Variants in PNPT1 observed in about 807,000 individuals in gnomAD.
PNPT1 encodes the protein polyribonucleotide nucleotidyltransferase 1, mitochondrial.
PNPT1 carries 53 observed loss-of-function variants against 119.5 expected under a neutral mutation model. That is an observed-to-expected ratio of 0.44 (90% CI 0.36 to 0.56). PNPT1 has a LOEUF of 0.56. PNPT1 is among the 20% of genes least tolerant of loss of function. The probability of loss-of-function intolerance (pLI) is 0.00; values close to 1 mark genes in which losing one functional copy is unlikely to be tolerated. For synonymous variants in PNPT1, 357 were observed against 322.1 expected, an observed-to-expected ratio of 1.11 and a Z score of -1.16; for missense variants, 948 against 938.5, an observed-to-expected ratio of 1.01 and a Z score of -0.13.
chr2:55,654,884 G>C lies in PNPT1; in HGVS notation c.1495+16C>G. On this transcript the variant is annotated intron_variant, in intron 18 of 27. Coordinates refer to ENST00000447944, the MANE Select transcript of PNPT1 (RefSeq NM_033109.5). Reference sequence around the variant, plus strand: ...GCATGAGCAATATCAGCAGTTTTGAGACATAATTCTTTTACCTGAATCCAT... The same window carrying C: ...GCATGAGCAATATCAGCAGTTTTGACACATAATTCTTTTACCTGAATCCAT... The C allele has an allele frequency of 6.2e-7, 1 of 1,610,904 alleles. No individual in the cohort carries two copies. Among genetic ancestry groups the C allele is most frequent in the South Asian group, 1.1e-5 (1 of 90,824 alleles).
chr2:55,660,224 T>A, intron 14 of PNPT1, 31 bp from the exon 15 acceptor site: 1 of 1,548,116 alleles, frequency 6.5e-7, no homozygotes, highest in South Asian at 1.3e-5. Flanking sequence ...ATTAAAAACA[T>A]CATAGGGAAA....
intron 9 of PNPT1, 105 bp from the exon 10 acceptor site, chr2:55,672,151 T>A (rs1696936534): frequency 2.5e-6 from 2 of 793,920 alleles, no homozygotes; most frequent in Admixed American, 5.4e-5. Flanking sequence ...GCTAAAACTT[T>A]AATAAATACT....
At position 55,643,148 on chromosome 2, in the gene PNPT1, T is replaced by C. The variant is rs767620776; in HGVS notation, c.2069+10A>G. ...GAAAATGCTCAGCATAGTATATTAC[T>C]TGATATTACCTGATTTCAGTTATTG... On this transcript the variant is annotated intron_variant, in intron 25 of 27. Coordinates refer to ENST00000447944, the MANE Select transcript of PNPT1 (RefSeq NM_033109.5). 5 of 1,613,748 alleles carry C rather than the reference T, an allele frequency of 3.1e-6. No individual in the cohort carries two copies. The South Asian group carries it at 5.5e-5, about 18-fold the overall frequency.
At chr2:55,652,115 G>A (rs1445296128) in intron 18 of PNPT1, among the ~76,000 whole-genome samples, 1 of 152,080 alleles carries the variant, frequency 6.6e-6, no homozygotes, top group East Asian at 1.9e-4. Flanking sequence ...ATTATGCTCA[G>A]CCTAGTTCAA....
chr2:55,639,225 T>C (rs142037539), intron 26 of PNPT1, among the ~76,000 whole-genome samples: 48 of 152,342 alleles, frequency 3.2e-4, no homozygotes, highest in African/African-American at 1.1e-3. Context: ...GAAAGATATA[T>C]GAGGGTTTAG....
chr2:55,634,843 A>T lies in PNPT1; in HGVS notation c.*1394T>A, dbSNP rs1695617594. 1 of 152,156 alleles carries T rather than the reference A, an allele frequency of 6.6e-6. No homozygotes were observed. Among genetic ancestry groups the T allele is most frequent in the African/African-American group, 2.4e-5 (1 of 41,404 alleles). The allele number at this position is 152,156 out of a possible 1,614,324, so 9.4% of individuals were successfully genotyped here. A position where few individuals can be genotyped will look rare whatever the true frequency, so the allele number is the denominator to read the frequency against. On this transcript the variant is annotated 3_prime_UTR_variant, in exon 28 of 28. Transcript: ENST00000447944. ...AGTGTTGGGATTACAGGTGTGAGCC[A>T]CCATGCCTGGCCAGATATACCTACA...
At chr2:55,663,076 G>C (rs767568617) in intron 13 of PNPT1, among the ~76,000 whole-genome samples, 1 of 151,872 alleles carries the variant, frequency 6.6e-6, no homozygotes, top group Non-Finnish European at 1.5e-5. Flanking sequence ...AGTAGAGATG[G>C]GGTTTCACTG....
chr2:55,636,531 A>T (rs1695680191), intron 27 of PNPT1, 139 bp from the exon 28 acceptor site: 1 of 861,284 alleles, frequency 1.2e-6, no homozygotes, highest in African/African-American at 1.7e-5. Context: ...TTCAGTGCTA[A>T]GTGGACGTAT....
chr2:55,693,791 G>A lies in PNPT1; in HGVS notation c.33C>T (p.Leu11=). The change falls in exon 1 of 28, where the codon CTC becomes CTT. Residue 11 remains leucine (L), a synonymous_variant. Coordinates refer to ENST00000447944, the MANE Select transcript of PNPT1 (RefSeq NM_033109.5). ...GACCATCGCTCAGGGGCCGGAGCCG[G>A]AGGCACGAGCAGCAGTACCTGCAGG... MAACRYCCSC[L]RLRPLSDGPF... 6.2e-7 allele frequency: 1 copy of A among 1,613,998 alleles called. No individual in the cohort carries two copies. Among genetic ancestry groups the A allele is most frequent in the Non-Finnish European group, 8.5e-7 (1 of 1,180,042 alleles).
At chr2:55,668,001 TA>T (rs774543415) in intron 11 of PNPT1, 43 bp from the exon 12 acceptor site, 19 of 1,496,468 alleles carry the variant, frequency 1.3e-5, no homozygotes, top group Non-Finnish European at 1.6e-5. Flanking sequence ...TTTACTTTTT[TA>T]GGAGATAGGA....
At chr2:55,655,787 G>A (rs1192988894) in intron 17 of PNPT1, among the ~76,000 whole-genome samples, 1 of 152,132 alleles carries the variant, frequency 6.6e-6, no homozygotes, top group Non-Finnish European at 1.5e-5. Flanking sequence ...TATTATTCAT[G>A]TGGATATGTG....
intron 18 of PNPT1, among the ~76,000 whole-genome samples, chr2:55,653,242 T>C (rs1442579283): frequency 1.3e-5 from 2 of 152,236 alleles, no homozygotes; most frequent in African/African-American, 2.4e-5. Context: ...TTATACTTTA[T>C]AGAAAATACT....
rs753888831 is a variant in PNPT1, at chr2:55,686,355, T to A, written c.297+15A>T. 3 of 1,594,516 alleles carry A rather than the reference T, an allele frequency of 1.9e-6. No individual in the cohort carries two copies. The highest frequency in any genetic ancestry group is 1.1e-5 in the South Asian group (1 of 90,558). On this transcript the variant is annotated intron_variant, in intron 3 of 27. Transcript: ENST00000447944. ...CAGACCATATTACAGTTCAGATAAA[T>A]CAGCAAATACTTACCACCAAAGGCA...
intron 1 of PNPT1, among the ~76,000 whole-genome samples, chr2:55,689,661 T>C (rs148970924): frequency 3.5e-4 from 53 of 152,330 alleles, no homozygotes; most frequent in Non-Finnish European, 5.6e-4. Context: ...TCCACAGCGA[T>C]GGAAAGTAGA....
chr2:55,682,082 G>C (rs1397985811), intron 5 of PNPT1, among the ~76,000 whole-genome samples: 1 of 151,096 alleles, frequency 6.6e-6, no homozygotes, highest in East Asian at 2.0e-4. Context: ...GGCGGAGCTT[G>C]CAGTGAGCCG....
At chr2:55,644,597 G>C (rs778332028) in intron 23 of PNPT1, 40 bp downstream of exon 23, 55 of 1,451,900 alleles carry the variant, frequency 3.8e-5, no homozygotes, top group Non-Finnish European at 5.3e-5. Flanking sequence ...TTATGGTCTA[G>C]CATTTAATTA....
chr2:55,653,223 T>C (rs1696268818), intron 18 of PNPT1, among the ~76,000 whole-genome samples: 1 of 152,206 alleles, frequency 6.6e-6, no homozygotes, highest in Non-Finnish European at 1.5e-5. Flanking sequence ...CACGATCAAG[T>C]TCATTGGGTT....
intron 13 of PNPT1, among the ~76,000 whole-genome samples, chr2:55,663,016 C>A (rs1696626489): frequency 6.6e-6 from 1 of 151,918 alleles, no homozygotes; most frequent in Non-Finnish European, 1.5e-5. Flanking sequence ...GAGTAAGTAG[C>A]TGGGACTACA....
At chr2:55,662,064 T>C in intron 13 of PNPT1, 38 bp from the exon 14 acceptor site, 1 of 1,472,716 alleles carries the variant, frequency 6.8e-7, no homozygotes, top group South Asian at 1.4e-5. Flanking sequence ...TTTAATATAC[T>C]AACCACAAAG....
Sources: gnomAD v4.1 joint callset for allele counts (sites outside exome capture counted in the v4.1 genomes callset) on GRCh38, gnomAD v4.1.1 for gene constraint, MANE v1.5 for transcripts, NCBI Gene and HGNC (gene_info 2026-07-23, HGNC 2026-07-21) for gene names.